WHRN: variants seen among roughly 807,000 people sequenced by gnomAD.
WHRN encodes the protein CASK-interacting protein CIP98.
In WHRN, 41 loss-of-function variants were observed where a neutral mutation model predicts 68.3. That is an observed-to-expected ratio of 0.60 (90% CI 0.47 to 0.78). The LOEUF is 0.78. Ranked by LOEUF, WHRN falls within the 30% of genes least tolerant of loss-of-function variation. WHRN has a pLI of 0.00. For missense variants in WHRN, 1,243 were observed against 1,244.7 expected, an observed-to-expected ratio of 1.00 and a Z score of 0.02; for synonymous variants, 560 against 561.3, an observed-to-expected ratio of 1.00 and a Z score of 0.03.
intron 7 of WHRN, among the ~76,000 whole-genome samples, chr9:114,421,900 G>A (rs915165686): frequency 1.3e-5 from 2 of 152,154 alleles, no homozygotes; most frequent in African/African-American, 4.8e-5. Flanking sequence ...AAGGGGATGA[G>A]CACCCTTGGA....
intron 7 of WHRN, among the ~76,000 whole-genome samples, chr9:114,419,958 G>A (rs1250683617): frequency 1.3e-5 from 2 of 152,154 alleles, no homozygotes; most frequent in African/African-American, 2.4e-5. Flanking sequence ...ATACGGGGGT[G>A]GCAGAAAAGG....
chr9:114,415,404 A>G (rs949076049), intron 7 of WHRN, among the ~76,000 whole-genome samples: 2 of 151,838 alleles, frequency 1.3e-5, no homozygotes, highest in African/African-American at 4.8e-5. Context: ...CTCACTCCTG[A>G]CACTCCAGCC....
Position 114,424,370 on chromosome 9 carries a change from G to A in WHRN, c.1380C>T (p.Val460=). The A allele has an allele frequency of 6.2e-7, 1 of 1,612,396 alleles. No individual in the cohort carries two copies. The highest frequency in any genetic ancestry group is 1.7e-5 in the Admixed American group (1 of 60,022). ...TGTTGAGCAGCTTGAACAGGGCCAT[G>A]ACGAGGGCCTCCACAGAGACGCTGC... is the stretch of plus-strand genomic sequence containing the variant. ...RGGSVSVEAL[V]MALFKLLNTH... is the part of the protein sequence containing the mutation. Residue 460 remains valine, a synonymous_variant, in exon 6 of 12, where the codon GTC becomes GTT. Transcript: ENST00000362057.
chr9:114,407,890 C>A, intron 8 of WHRN, 57 bp downstream of exon 8: 1 of 1,457,204 alleles, frequency 6.9e-7, no homozygotes, highest in South Asian at 1.2e-5. Flanking sequence ...AGGAGAGAGC[C>A]ACCAGGACCT....
intron 3 of WHRN, among the ~76,000 whole-genome samples, chr9:114,455,471 A>G (rs1016923304): frequency 1.3e-5 from 2 of 152,200 alleles, no homozygotes; most frequent in Non-Finnish European, 2.9e-5. Context: ...CTGTAATCCC[A>G]GCACTTTGGG....
chr9:114,454,388 CAAAGTCAAAAGATACA>C (rs1839594292), intron 3 of WHRN, among the ~76,000 whole-genome samples: 1 of 152,050 alleles, frequency 6.6e-6, no homozygotes, highest in Non-Finnish European at 1.5e-5. Flanking sequence ...ATGAGTTTAG[CAAAGTCAAAAGATACA>C]AAAGCCAACA....
chr9:114,460,650 G>A (rs1030283989), intron 3 of WHRN, among the ~76,000 whole-genome samples: 3 of 152,156 alleles, frequency 2.0e-5, no homozygotes, highest in Admixed American at 2.0e-4. Context: ...CCTTCCCAGG[G>A]CAAATGCTGA....
rs573803925 is a variant in WHRN at position 114,438,545 on chromosome 9, C to T, written c.964-12132G>A. Among the ~76,000 whole-genome samples the T allele has an allele frequency of 2.1e-4, 32 of 151,382 alleles. No homozygotes were observed. The South Asian group carries it at 5.7e-3, about 27-fold the overall frequency. ...TTGGCTCACTGCAAGCTCTGCCTCC[C>T]GTGTTCACACCATTCTCCTGCCTCA... On this transcript the variant is annotated intron_variant, in intron 3 of 11. Transcript: ENST00000362057.
intron 3 of WHRN, among the ~76,000 whole-genome samples, chr9:114,450,292 C>T (rs771658865): frequency 4.9e-4 from 75 of 152,152 alleles, no homozygotes; most frequent in Non-Finnish European, 9.8e-4. Flanking sequence ...CACAAGTCCT[C>T]GAAAGCAGGG....
chr9:114,412,256 G>A (rs1835498665), intron 7 of WHRN, among the ~76,000 whole-genome samples: 1 of 152,218 alleles, frequency 6.6e-6, no homozygotes, highest in African/African-American at 2.4e-5. Context: ...GAACCCGGGG[G>A]ATGCATCAGC....
intron 1 of WHRN, among the ~76,000 whole-genome samples, chr9:114,500,811 T>C (rs1843857845): frequency 6.6e-6 from 1 of 152,180 alleles, no homozygotes; most frequent in African/African-American, 2.4e-5. Context: ...GGGTTGGTGT[T>C]TGTGGGTCAA....
chr9:114,440,200 A>G (rs978149554), intron 3 of WHRN, among the ~76,000 whole-genome samples: 3 of 151,890 alleles, frequency 2.0e-5, no homozygotes, highest in Non-Finnish European at 2.9e-5. Flanking sequence ...GCCGTGAGCC[A>G]CTGCACCCAG....
rs755072520 is a variant in WHRN at position 114,423,324 on chromosome 9, C to A, written c.1616G>T (p.Ser539Ile). ...GCAGAAGAAGCTCACCCTGGCCGAGCTGACGGTGGTGGAGGTGCCGTGGCT... is the reference window on the plus strand; with the variant it reads ...GCAGAAGAAGCTCACCCTGGCCGAGATGACGGTGGTGGAGGTGCCGTGGCT... The part of the protein sequence containing the change: ...TGSHGTSTTV[S>I]SARNTLDLEE... Residue 539 changes from serine to isoleucine, a missense_variant, in exon 7 of 12, where the codon AGC (serine) becomes ATC (isoleucine). Physicochemically the swap from Ser to Ile is moderately radical, Grantham distance 142. Transcript: ENST00000362057. The A allele has an allele frequency of 6.2e-7, 1 of 1,613,848 alleles. No homozygotes were observed. Among genetic ancestry groups the A allele is most frequent in the Non-Finnish European group, 8.5e-7 (1 of 1,179,928 alleles).
intron 2 of WHRN, among the ~76,000 whole-genome samples, chr9:114,474,738 T>G (rs1486858319): frequency 6.6e-6 from 1 of 152,162 alleles, no homozygotes; most frequent in Admixed American, 6.5e-5. Flanking sequence ...TTATACCTCA[T>G]AGAATGTGCC....
chr9:114,485,683 C>T (rs1313524776), intron 1 of WHRN, among the ~76,000 whole-genome samples: 1 of 150,826 alleles, frequency 6.6e-6, no homozygotes, highest in Admixed American at 6.6e-5. Flanking sequence ...CAGAGCGAGA[C>T]TCCGTCTCTA....
rs527666160 is a variant in WHRN at position 114,430,690 on chromosome 9, T to C, written c.964-4277A>G. On this transcript the variant is annotated intron_variant, in intron 3 of 11. Transcript: ENST00000362057. ...TCCTCATGCCTGTTAAGTAAATATA[T>C]CCCTACCAGATTTGAAGAGGCAGCA... Among the ~76,000 whole-genome samples, 10 of 152,322 alleles carry C rather than the reference T, an allele frequency of 6.6e-5. No individual in the cohort carries two copies. The East Asian group carries it at 1.2e-3, about 18-fold the overall frequency.
chr9:114,504,627 T>C lies in WHRN; in HGVS notation c.175A>G (p.Thr59Ala). Residue 59 changes from threonine (T) to alanine (A), a missense_variant, in exon 1 of 12, where the codon ACC (threonine) becomes GCC (alanine). Coordinates refer to ENST00000362057, the MANE Select transcript of WHRN (RefSeq NM_015404.4). ...LLSEAEREQF[T>A]HCLNAYHARR... ...GCGTGGTAAGCGTTCAGGCAGTGGG[T>C]GAACTGCTCCCGCTCCGCCTCGCTC... 6.2e-7 allele frequency: 1 copy of C among 1,609,790 alleles called. No individual in the cohort carries two copies. Among genetic ancestry groups the C allele is most frequent in the African/African-American group, 1.3e-5 (1 of 75,000 alleles).
At chr9:114,437,142 T>C (rs1837929825) in intron 3 of WHRN, among the ~76,000 whole-genome samples, 1 of 152,088 alleles carries the variant, frequency 6.6e-6, no homozygotes. Context: ...TAGTGTATGA[T>C]AAAGGTGGCA....
intron 3 of WHRN, among the ~76,000 whole-genome samples, chr9:114,465,484 G>A (rs1387855735): frequency 6.6e-6 from 1 of 152,150 alleles, no homozygotes; most frequent in Non-Finnish European, 1.5e-5. Flanking sequence ...AAGGCCACCT[G>A]TGCCATGGTC....
Sources: allele counts gnomAD v4.1 joint callset (sites outside exome capture counted in the v4.1 genomes callset), GRCh38; gene constraint gnomAD v4.1.1; transcripts MANE v1.5; gene names NCBI Gene and HGNC (gene_info 2026-07-23, HGNC 2026-07-21).